The following ASCC3 variants were observed in gnomAD, a reference collection of about 807,000 sequenced individuals.
The protein encoded by ASCC3 is ASC-1 complex subunit P200.
In ASCC3, 158 loss-of-function variants were observed where a neutral mutation model predicts 256.3. The observed-to-expected ratio is 0.62, with a 90% CI of 0.54 to 0.70. The LOEUF (loss-of-function observed/expected upper bound fraction) is 0.70. Among genes scored for constraint, ASCC3 ranks in the 30% least tolerant of loss-of-function variants. The pLI is 0.00. For synonymous variants in ASCC3, 948 were observed against 883.4 expected, an observed-to-expected ratio of 1.07 and a Z score of -1.30; for missense variants, 2,259 against 2,626.0, an observed-to-expected ratio of 0.86 and a Z score of 3.05.
intron 4 of ASCC3, among the ~76,000 whole-genome samples, chr6:100,829,630 G>T (rs1453852695): frequency 3.3e-5 from 5 of 152,200 alleles, no homozygotes; most frequent in African/African-American, 9.6e-5. Context: ...AGCCCAGAAA[G>T]GGGCTCCCAC....
intron 34 of ASCC3, among the ~76,000 whole-genome samples, chr6:100,596,048 T>C (rs1266498415): frequency 6.6e-6 from 1 of 152,176 alleles, no homozygotes; most frequent in Admixed American, 6.5e-5. Context: ...CATTGTTTTA[T>C]TACATTTGTA....
chr6:100,625,368 ATACT>A (rs764584822), intron 29 of ASCC3, 34 bp from the exon 30 acceptor site: 1 of 1,607,494 alleles, frequency 6.2e-7, no homozygotes, highest in Non-Finnish European at 8.5e-7. Context: ...AAATGGAAAG[ATACT>A]TAACCCCAGA....
At chr6:100,555,126 T>TA (rs11454168) in intron 36 of ASCC3, among the ~76,000 whole-genome samples, 14,697 of 148,164 alleles carry the variant, frequency 0.099, 1,133 homozygotes, top group East Asian at 0.31. Context: ...TTGAAAAAAG[T>TA]AAAAAAAAAA....
intron 37 of ASCC3, among the ~76,000 whole-genome samples, chr6:100,526,375 G>A (rs919358333): frequency 1.1e-4 from 16 of 152,280 alleles, no homozygotes; most frequent in African/African-American, 3.6e-4. Context: ...GTGGGTATAA[G>A]GAGAGGAGCA....
intron 13 of ASCC3, among the ~76,000 whole-genome samples, chr6:100,685,698 ACAGATATATTT>A (rs765772509): frequency 1.3e-5 from 2 of 152,238 alleles, no homozygotes; most frequent in Non-Finnish European, 2.9e-5. Flanking sequence ...GAATGCCACT[ACAGATATATTT>A]CAGATATATT....
chr6:100,811,551 G>C (rs1770469307), intron 4 of ASCC3, among the ~76,000 whole-genome samples: 1 of 151,892 alleles, frequency 6.6e-6, no homozygotes, highest in African/African-American at 2.4e-5. Context: ...ATTACAAATA[G>C]TCCTTACATA....
At position 100,638,790 on chromosome 6, in the gene ASCC3, T is replaced by A. The variant is rs1161295494; in HGVS notation, c.3933A>T (p.Thr1311=). The change falls in exon 25 of 42, where the codon ACA becomes ACT. Residue 1311 remains threonine (T), a synonymous_variant. Transcript: ENST00000369162. ...CTTCATATGCTTTACATCCCAAAGC[T>A]GTGATTGGTAAAGGCTGAAGATCCA... is the stretch of plus-strand genomic sequence containing the variant. The part of the protein sequence containing the change: ...ELLDLQPLPI[T]ALGCKAYEAL... The A allele has an allele frequency of 6.2e-7, 1 of 1,613,996 alleles. No homozygotes were observed. The highest frequency in any genetic ancestry group is 1.3e-5 in the African/African-American group (1 of 74,920).
chr6:100,717,271 A>C (rs1779129661), intron 12 of ASCC3, among the ~76,000 whole-genome samples: 1 of 152,104 alleles, frequency 6.6e-6, no homozygotes, highest in South Asian at 2.1e-4. Context: ...TTTACTAATG[A>C]AATTGTTTTT....
intron 37 of ASCC3, chr6:100,530,705 G>T: frequency 1.1e-6 from 1 of 937,506 alleles, no homozygotes; most frequent in South Asian, 1.3e-5. Flanking sequence ...AGATACCCAA[G>T]ATGTAACAAG....
intron 10 of ASCC3, among the ~76,000 whole-genome samples, chr6:100,747,474 A>C (rs1233550115): frequency 1.3e-5 from 2 of 152,138 alleles, no homozygotes; most frequent in Non-Finnish European, 2.9e-5. Context: ...AAAAACTAGA[A>C]GCAAGCCATA....
At chr6:100,565,562 T>G (rs1770195911) in intron 36 of ASCC3, among the ~76,000 whole-genome samples, 1 of 152,198 alleles carries the variant, frequency 6.6e-6, no homozygotes, top group Non-Finnish European at 1.5e-5. Flanking sequence ...TACTGCTTTT[T>G]TATTTGGAGG....
intron 4 of ASCC3, among the ~76,000 whole-genome samples, chr6:100,835,448 T>C (rs1288203928): frequency 6.6e-6 from 1 of 152,190 alleles, no homozygotes; most frequent in Non-Finnish European, 1.5e-5. Flanking sequence ...AGTTGATTTT[T>C]GTACATTGTG....
intron 13 of ASCC3, among the ~76,000 whole-genome samples, chr6:100,693,391 A>G (rs1168034332): frequency 6.6e-6 from 1 of 152,032 alleles, no homozygotes; most frequent in Non-Finnish European, 1.5e-5. Flanking sequence ...AAAAAAAAAA[A>G]GCTTTCAAAC....
chr6:100,834,921 C>T (rs1300526528), intron 4 of ASCC3, among the ~76,000 whole-genome samples: 1 of 151,956 alleles, frequency 6.6e-6, no homozygotes, highest in East Asian at 1.9e-4. Context: ...CTTTTGAAAA[C>T]AGAAGAGAAA....
chr6:100,867,507 G>A (rs1003279291), intron 2 of ASCC3, among the ~76,000 whole-genome samples: 1 of 151,922 alleles, frequency 6.6e-6, no homozygotes, highest in South Asian at 2.1e-4. Flanking sequence ...TTCTCATAAG[G>A]TACAGACACT....
chr6:100,773,725 T>C (rs1289550013), intron 8 of ASCC3, among the ~76,000 whole-genome samples: 1 of 152,166 alleles, frequency 6.6e-6, no homozygotes, highest in Non-Finnish European at 1.5e-5. Flanking sequence ...ACCTAATCAA[T>C]TGCCAGGAAC....
At chr6:100,807,263 A>C (rs955534934) in intron 4 of ASCC3, among the ~76,000 whole-genome samples, 9 of 151,898 alleles carry the variant, frequency 5.9e-5, no homozygotes, top group Non-Finnish European at 1.2e-4. Context: ...TGGTCAAGAA[A>C]TATGAAAGTA....
chr6:100,679,769 C>T lies in ASCC3; in HGVS notation c.2152-17G>A, dbSNP rs776165048. 14 of 1,612,516 alleles carry T rather than the reference C, an allele frequency of 8.7e-6. No homozygotes were observed. The highest frequency in any genetic ancestry group is 1.1e-5 in the Non-Finnish European group (13 of 1,178,896). On this transcript the variant is annotated splice_polypyrimidine_tract_variant and intron_variant, in intron 13 of 41. Transcript: ENST00000369162. ...CACCATCACCTGAAAAAAAGGAAAG[C>T]AGTTTATTTAATATTCCAATTAATT...
At chr6:100,704,357 C>G (rs1361780176) in intron 13 of ASCC3, among the ~76,000 whole-genome samples, 1 of 151,824 alleles carries the variant, frequency 6.6e-6, no homozygotes, top group Non-Finnish European at 1.5e-5. Context: ...TCAAATAATT[C>G]ACAAATAAAA....
Sources: allele counts gnomAD v4.1 joint callset (sites outside exome capture counted in the v4.1 genomes callset), GRCh38; gene constraint gnomAD v4.1.1; transcripts MANE v1.5; gene names NCBI Gene and HGNC (gene_info 2026-07-23, HGNC 2026-07-21).